The following FHAD1 variants were observed in gnomAD, a reference collection of about 807,000 sequenced individuals.
The protein encoded by FHAD1 is forkhead-associated domain-containing protein 1.
FHAD1 carries 146 observed loss-of-function variants against 191.3 expected under a neutral mutation model. The ratio of observed to expected loss-of-function variants is 0.76; its 90% CI spans 0.67 to 0.88. The LOEUF (loss-of-function observed/expected upper bound fraction) is 0.88. FHAD1 is among the 40% of genes least tolerant of loss of function. The pLI, the probability that FHAD1 is intolerant of heterozygous loss-of-function variation, is 0.00. For synonymous variants in FHAD1, 616 were observed against 672.3 expected (o/e 0.92, Z 1.29); for missense variants, 1,635 against 1,785.8 (o/e 0.92, Z 1.52).
intron 2 of FHAD1, among the ~76,000 whole-genome samples, chr1:15,271,767 C>T (rs1196959273): frequency 5.9e-5 from 9 of 152,098 alleles, no homozygotes; most frequent in Admixed American, 3.3e-4. Context: ...TCAATGTTAA[C>T]CATGGCTGCC....
At chr1:15,376,333 G>A (rs898072555) in intron 28 of FHAD1, among the ~76,000 whole-genome samples, 3 of 151,992 alleles carry the variant, frequency 2.0e-5, no homozygotes, top group Admixed American at 6.5e-5. Context: ...CTCATGATCC[G>A]CCCGCCTCGG....
At chr1:15,385,328 G>T (rs975076435) in intron 31 of FHAD1, among the ~76,000 whole-genome samples, 1 of 152,068 alleles carries the variant, frequency 6.6e-6, no homozygotes. Context: ...CACGTCTCCT[G>T]TATAAAATCT....
chr1:15,301,102 T>C, intron 5 of FHAD1, 103 bp from the exon 6 acceptor site: 1 of 973,174 alleles, frequency 1.0e-6, no homozygotes, highest in Non-Finnish European at 1.5e-6. Flanking sequence ...AGTGCTAGGA[T>C]TACAGGCGTG....
chr1:15,283,689 G>T (rs957643841), intron 3 of FHAD1, among the ~76,000 whole-genome samples: 8 of 152,126 alleles, frequency 5.3e-5, no homozygotes, highest in Admixed American at 6.6e-5. Context: ...AGCCCTGCCT[G>T]GGGGGAGACT....
At chr1:15,305,355 C>T (rs975433308) in intron 6 of FHAD1, among the ~76,000 whole-genome samples, 1 of 152,180 alleles carries the variant, frequency 6.6e-6, no homozygotes, top group Non-Finnish European at 1.5e-5. Flanking sequence ...CAGTCTGGCT[C>T]CTGAGTCCCT....
At chr1:15,383,476 A>AC in intron 31 of FHAD1, 1 of 344,218 alleles carries the variant, frequency 2.9e-6, no homozygotes, top group South Asian at 2.2e-5. Flanking sequence ...CATGAGCAGC[A>AC]CCCGGGCGGC....
At chr1:15,372,126 C>T (rs934937277) in intron 26 of FHAD1, among the ~76,000 whole-genome samples, 10 of 146,046 alleles carry the variant, frequency 6.8e-5, no homozygotes, top group South Asian at 2.2e-4. Context: ...CACAGTGACG[C>T]GGGGGCATGG....
In FHAD1 at chr1:15,299,204, AAAAAAAAAAAAAAGG is replaced by A. The variant is rs1358131435; in HGVS notation, c.679-1986_679-1972del. Among the ~76,000 whole-genome samples the A allele has an allele frequency of 8.2e-5, 12 of 146,680 alleles. No homozygotes were observed. In the South Asian group the frequency reaches 2.1e-3, roughly 26 times the overall value. On this transcript the variant is annotated intron_variant, in intron 5 of 33. Coordinates refer to ENST00000688493, the MANE Select transcript of FHAD1 (RefSeq NM_001391957.1). ...GACAGAGCAAGACCCTGTCTCAAAA[AAAAAAAAAAAAAAGG>A]AAAAAAAAAAAAAGAAAGAAAGAAA...
intron 3 of FHAD1, among the ~76,000 whole-genome samples, chr1:15,279,302 C>T (rs1488120470): frequency 2.0e-5 from 3 of 152,116 alleles, no homozygotes; most frequent in Non-Finnish European, 4.4e-5. Context: ...AGAAACCCAA[C>T]TCAGACTAGC....
intron 26 of FHAD1, among the ~76,000 whole-genome samples, chr1:15,371,592 C>G (rs1348739115): frequency 6.6e-6 from 1 of 152,156 alleles, no homozygotes; most frequent in East Asian, 1.9e-4. Flanking sequence ...TGTGACGGAG[C>G]CTTAATGCAT....
At chr1:15,243,776 G>A (rs1345708439), upstream of FHAD1, among the ~76,000 whole-genome samples, 1 of 152,238 alleles carries the variant, frequency 6.6e-6, no homozygotes, top group Non-Finnish European at 1.5e-5. Context: ...ACAGACAAGA[G>A]TGCAGGCTGC....
At chr1:15,291,805 G>C (rs911214448) in intron 4 of FHAD1, among the ~76,000 whole-genome samples, 1 of 152,138 alleles carries the variant, frequency 6.6e-6, no homozygotes, top group Admixed American at 6.6e-5. Context: ...ACTCACATCC[G>C]TGTGTGAAGA....
intron 9 of FHAD1, 40 bp from the exon 10 acceptor site, chr1:15,317,784 C>T (rs1464102166): frequency 1.3e-5 from 18 of 1,424,784 alleles, no homozygotes; most frequent in East Asian, 2.5e-5. Flanking sequence ...GCAGCTCCTG[C>T]CCCCATCAGG....
intron 4 of FHAD1, among the ~76,000 whole-genome samples, chr1:15,293,607 A>C (rs538254988): frequency 6.6e-6 from 1 of 152,202 alleles, no homozygotes; most frequent in Admixed American, 6.5e-5. Context: ...AATCCCAGCT[A>C]CTCAGGAGGC....
intron 32 of FHAD1, among the ~76,000 whole-genome samples, chr1:15,390,793 C>T (rs1703805789): frequency 6.6e-6 from 1 of 152,196 alleles, no homozygotes; most frequent in Non-Finnish European, 1.5e-5. Context: ...ATCATGGGCC[C>T]CACCATCCCT....
intron 14 of FHAD1, 120 bp from the exon 15 acceptor site, chr1:15,339,361 C>G (rs1685598670): frequency 7.4e-6 from 3 of 407,924 alleles, no homozygotes; most frequent in Admixed American, 7.7e-5. Context: ...ACTTTAAAAC[C>G]ACAGGTTGGA....
chr1:15,375,676 A>C lies in FHAD1; in HGVS notation c.3651A>C (p.Ile1217=). The C allele has an allele frequency of 6.5e-7, 1 of 1,547,782 alleles. No individual in the cohort carries two copies. Among genetic ancestry groups the C allele is most frequent in the Non-Finnish European group, 8.7e-7 (1 of 1,145,440 alleles). Residue 1217 remains isoleucine (I), a synonymous_variant, in exon 28 of 34, where the codon ATA becomes ATC. Transcript: ENST00000688493. ...GAATGGAAAACAATGTCCAGAAAAT[A>C]CTACTGGATGCAAAACCGGATTTGC... ...NLRMENNVQK[I]LLDAKPDLPT...
At chr1:15,347,471 A>G (rs1330212784) in intron 18 of FHAD1, among the ~76,000 whole-genome samples, 1 of 151,932 alleles carries the variant, frequency 6.6e-6, no homozygotes, top group Non-Finnish European at 1.5e-5. Context: ...TGGCTATTTG[A>G]TTTTCTTTTT....
chr1:15,305,329 C>T (rs1574161701), intron 6 of FHAD1, among the ~76,000 whole-genome samples: 1 of 152,140 alleles, frequency 6.6e-6, no homozygotes, highest in Non-Finnish European at 1.5e-5. Flanking sequence ...CACACAGAGA[C>T]GGATTTTGCA....
Sources: allele counts gnomAD v4.1 joint callset (sites outside exome capture counted in the v4.1 genomes callset), GRCh38; gene constraint gnomAD v4.1.1; transcripts MANE v1.5; gene names NCBI Gene and HGNC (gene_info 2026-07-23, HGNC 2026-07-21).